SLC60A1: variants seen among roughly 807,000 people sequenced by gnomAD.
SLC60A1 encodes major facilitator superfamily domain containing 4.
At chr1:205,580,609 C>CG in the SLC60A1 span, 440 of 1,590,178 alleles carry the variant, frequency 2.8e-4, no homozygotes, top group Middle Eastern at 1.5e-3. This position sits in a 1 kb window ranked among gnomAD's most constrained non-coding sequence, Gnocchi z 5.0. Flanking sequence ...ACCACTTCCC[C>CG]GGGCTGAAGA....
At chr1:205,583,922 C>T in the SLC60A1 span, 4 of 1,601,480 alleles carry the variant, frequency 2.5e-6, no homozygotes, top group Non-Finnish European at 3.4e-6. Flanking sequence ...AGCTTCAGGG[C>T]AGGGCTCTCC....
At chr1:205,591,448 C>T in the SLC60A1 span, among the ~76,000 whole-genome samples, 1 of 144,690 alleles carries the variant, frequency 6.9e-6, no homozygotes, top group Non-Finnish European at 1.5e-5. Flanking sequence ...CACCACTGCA[C>T]TCCAATTTGG....
chr1:205,585,681 C>T, the SLC60A1 span, among the ~76,000 whole-genome samples: 8 of 107,398 alleles, frequency 7.4e-5, no homozygotes, highest in Middle Eastern at 5.0e-3. The surrounding 1 kb of genome is among the most constrained non-coding windows in gnomAD (Gnocchi z 4.2). Flanking sequence ...GATGCTTGCA[C>T]ACACCTTTTT....
chr1:205,580,404 G>C, the SLC60A1 span, among the ~76,000 whole-genome samples: 2 of 152,166 alleles, frequency 1.3e-5, no homozygotes, highest in Non-Finnish European at 2.9e-5. This position sits in a 1 kb window ranked among gnomAD's most constrained non-coding sequence, Gnocchi z 5.0. Context: ...GAGGGAATTG[G>C]GCACTGTCAC....
At chr1:205,592,307 C>G in the SLC60A1 span, 1 of 1,600,284 alleles carries the variant, frequency 6.2e-7, no homozygotes, top group South Asian at 1.1e-5. Context: ...GGGCCCGAGC[C>G]AGGAGGCGCG....
the SLC60A1 span, among the ~76,000 whole-genome samples, chr1:205,569,727 G>T: frequency 2.6e-5 from 4 of 152,278 alleles, no homozygotes; most frequent in Admixed American, 2.0e-4. Flanking sequence ...GGGATTGGCA[G>T]TGAGGTGGAA....
the SLC60A1 span, among the ~76,000 whole-genome samples, chr1:205,573,328 G>C: frequency 6.6e-6 from 1 of 152,150 alleles, no homozygotes; most frequent in African/African-American, 2.4e-5. Context: ...GCTGAGGCAG[G>C]AGAATCGCTT....
the SLC60A1 span, chr1:205,579,408 A>G: frequency 8.9e-5 from 46 of 518,496 alleles, no homozygotes; most frequent in South Asian, 6.1e-4. Flanking sequence ...TGAGATGCTC[A>G]AAACAGGTTC....
the SLC60A1 span, among the ~76,000 whole-genome samples, chr1:205,592,647 C>G: frequency 2.0e-5 from 3 of 152,138 alleles, no homozygotes; most frequent in Admixed American, 6.5e-5. Context: ...GAACACCCCC[C>G]TCCTGACTTT....
the SLC60A1 span, chr1:205,601,984 A>G: frequency 2.0e-5 from 3 of 152,254 alleles, no homozygotes; most frequent in Non-Finnish European, 2.9e-5. Flanking sequence ...CAAGCTGTGC[A>G]GTAGTAGACT....
chr1:205,585,382 G>A, the SLC60A1 span, among the ~76,000 whole-genome samples: 1 of 152,122 alleles, frequency 6.6e-6, no homozygotes, highest in Non-Finnish European at 1.5e-5. The surrounding 1 kb of genome is among the most constrained non-coding windows in gnomAD (Gnocchi z 4.2). Flanking sequence ...TGGGTGTCTC[G>A]AGCCAGTGTT....
the SLC60A1 span, among the ~76,000 whole-genome samples, chr1:205,579,097 G>A: frequency 3.9e-5 from 6 of 152,176 alleles, no homozygotes; most frequent in African/African-American, 4.8e-5. Context: ...CTTTCAGTGT[G>A]TATGGCCACA....
At chr1:205,599,053 G>A in the SLC60A1 span, 2 of 1,573,022 alleles carry the variant, frequency 1.3e-6, no homozygotes, top group South Asian at 2.4e-5. Flanking sequence ...AGCCAAGGAT[G>A]GAGAAGGCTG....
chr1:205,580,528 C>A, the SLC60A1 span: 1 of 1,186,334 alleles, frequency 8.4e-7, no homozygotes, highest in Non-Finnish European at 1.2e-6. The surrounding 1 kb of genome is among the most constrained non-coding windows in gnomAD (Gnocchi z 5.0). Context: ...GGGCAACAGC[C>A]CCTACATGGG....
At chr1:205,572,968 C>T in the SLC60A1 span, among the ~76,000 whole-genome samples, 16 of 152,268 alleles carry the variant, frequency 1.1e-4, no homozygotes, top group African/African-American at 3.1e-4. Context: ...CAAACAAAAA[C>T]GTGGTTTATC....
chr1:205,578,128 GT>G, the SLC60A1 span, among the ~76,000 whole-genome samples: 1 of 152,252 alleles, frequency 6.6e-6, no homozygotes, highest in Non-Finnish European at 1.5e-5. Context: ...CTTCGAGAGA[GT>G]TTTTGCACTT....
the SLC60A1 span, among the ~76,000 whole-genome samples, chr1:205,588,060 T>C: frequency 6.6e-6 from 1 of 152,242 alleles, no homozygotes; most frequent in East Asian, 1.9e-4. Flanking sequence ...CATAGCAATC[T>C]ATAAATTAAA....
the SLC60A1 span, chr1:205,584,264 C>A: frequency 9.1e-6 from 9 of 986,180 alleles, no homozygotes; most frequent in Non-Finnish European, 1.3e-5. Context: ...TCTCGTCGCC[C>A]AGGCTGGAGT....
At chr1:205,593,332 G>A in the SLC60A1 span, among the ~76,000 whole-genome samples, 6 of 148,098 alleles carry the variant, frequency 4.1e-5, no homozygotes, top group African/African-American at 1.5e-4. Flanking sequence ...TTAGCCAGGC[G>A]TGGTGGCAGG....
Sources: gnomAD v4.1 joint callset for allele counts (sites outside exome capture counted in the v4.1 genomes callset) on GRCh38, gnomAD v4.1.1 for gene constraint, Gnocchi (gnomAD v3.1) non-coding constraint, MANE v1.5 for transcripts, NCBI Gene and HGNC (gene_info 2026-07-23, HGNC 2026-07-21) for gene names.